The following DNAH10 variants were observed in gnomAD, a reference collection of about 807,000 sequenced individuals.
DNAH10 encodes the protein dynein axonemal heavy chain 10.
In DNAH10, 348 loss-of-function variants were observed where a neutral mutation model predicts 506.6. The ratio of observed to expected loss-of-function variants is 0.69; its 90% CI spans 0.63 to 0.75. The LOEUF (loss-of-function observed/expected upper bound fraction) is 0.75. DNAH10 is among the 30% of genes least tolerant of loss of function. The probability of loss-of-function intolerance (pLI) is 0.00; values close to 1 mark genes in which losing one functional copy is unlikely to be tolerated. For synonymous variants in DNAH10, 2,059 were observed against 2,198.6 expected (o/e 0.94, Z 1.78); for missense variants, 5,179 against 5,787.1 (o/e 0.89, Z 3.41).
At chr12:123,790,890 C>T (rs553165453) in intron 11 of DNAH10, among the ~76,000 whole-genome samples, 142 of 152,090 alleles carry the variant, frequency 9.3e-4, no homozygotes, top group Admixed American at 3.2e-3. Context: ...TTTGGGAGGC[C>T]GAGGAGAGAG....
intron 35 of DNAH10, among the ~76,000 whole-genome samples, chr12:123,851,530 A>G (rs894295257): frequency 1.3e-5 from 2 of 152,208 alleles, no homozygotes; most frequent in Non-Finnish European, 2.9e-5. Flanking sequence ...GGTTGCAACA[A>G]TAGTAGCACG....
At chr12:123,809,651 AAACAACAAC>A (rs146942558) in intron 19 of DNAH10, among the ~76,000 whole-genome samples, 4 of 150,876 alleles carry the variant, frequency 2.7e-5, no homozygotes, top group East Asian at 3.9e-4. Context: ...CGTGTCTCTA[AAACAACAAC>A]AACAACAACA....
At chr12:123,768,544 G>A (rs1433913746) in intron 2 of DNAH10, among the ~76,000 whole-genome samples, 3 of 152,172 alleles carry the variant, frequency 2.0e-5, no homozygotes, top group Non-Finnish European at 4.4e-5. Context: ...GTTTCCAAAT[G>A]AGGTCACAGC....
chr12:123,847,309 T>TATCC (rs1388683172), intron 32 of DNAH10, among the ~76,000 whole-genome samples: 7 of 65,720 alleles, frequency 1.1e-4, no homozygotes, highest in Non-Finnish European at 2.1e-4. Context: ...TCATCTATTT[T>TATCC]ATCTATCTAT....
chr12:123,767,803 A>G, intron 2 of DNAH10, 114 bp downstream of exon 2: 1 of 872,076 alleles, frequency 1.1e-6, no homozygotes, highest in East Asian at 2.7e-5. Flanking sequence ...GGTATGAACC[A>G]CAAAGAGAAA....
intron 38 of DNAH10, among the ~76,000 whole-genome samples, chr12:123,860,697 A>G (rs1490120320): frequency 6.6e-6 from 1 of 152,208 alleles, no homozygotes; most frequent in Non-Finnish European, 1.5e-5. Flanking sequence ...CTTAAATGTC[A>G]TATATATGAA....
intron 51 of DNAH10, among the ~76,000 whole-genome samples, chr12:123,885,374 C>T (rs976931493): frequency 1.3e-5 from 2 of 152,342 alleles, no homozygotes; most frequent in East Asian, 3.8e-4. Flanking sequence ...ACACATAACC[C>T]ATTTCCAATG....
rs1310055449 is a variant in DNAH10 at position 123,813,777 on chromosome 12, G to A, written c.3645G>A (p.Lys1215=). 1.2e-6 allele frequency: 2 copies of A among 1,613,344 alleles called. No individual in the cohort carries two copies. The highest frequency in any genetic ancestry group is 2.7e-5 in the African/African-American group (2 of 74,896). ...AGCACCTGGCCAAAAACCTTAGGAA[G>A]ATCCCCAATACCCTTGAAGATCTCA... ...EMEHLAKNLR[K]IPNTLEDLKF... is the part of the protein sequence containing the mutation. Residue 1215 remains lysine, a synonymous_variant, in exon 21 of 79, where the codon AAG becomes AAA. Transcript: ENST00000673944.
chr12:123,799,299 A>G lies in DNAH10; in HGVS notation c.2217A>G (p.Arg739=). Residue 739 remains arginine (R), a synonymous_variant, in exon 14 of 79, where the codon AGA becomes AGG. Coordinates refer to ENST00000673944, the MANE Select transcript of DNAH10 (RefSeq NM_001372106.1). Reference sequence around the variant, plus strand: ...GGACAATGAAGGAGTATGAAGACAGAAAGTATGAGCAGTGGATGGAGGTGA... The same window carrying G: ...GGACAATGAAGGAGTATGAAGACAGGAAGTATGAGCAGTGGATGGAGGTGA... ...VGRTMKEYED[R]KYEQWMEVTE... is the part of the protein sequence containing the mutation. 1 of 1,613,946 alleles carries G rather than the reference A, an allele frequency of 6.2e-7. No homozygotes were observed. Among genetic ancestry groups the G allele is most frequent in the Non-Finnish European group, 8.5e-7 (1 of 1,179,880 alleles).
chr12:123,766,291 A>G (rs1566308013), intron 1 of DNAH10, among the ~76,000 whole-genome samples: 2 of 151,134 alleles, frequency 1.3e-5, no homozygotes, highest in Non-Finnish European at 3.0e-5. Context: ...TAATCAGCCT[A>G]CCTACCTACC....
chr12:123,887,045 C>T (rs1465418245), intron 51 of DNAH10, 97 bp from the exon 52 acceptor site: 40 of 1,425,746 alleles, frequency 2.8e-5, no homozygotes, highest in Non-Finnish European at 3.0e-5. Context: ...GACAGACCCA[C>T]GCCCTCTGCA....
At chr12:123,781,041 T>C in intron 5 of DNAH10, 39 bp from the exon 6 acceptor site, 2 of 1,478,044 alleles carry the variant, frequency 1.4e-6, no homozygotes, top group Non-Finnish European at 1.8e-6. Flanking sequence ...TTATTGAAAA[T>C]GACTTCATAT....
chr12:123,879,799 C>T lies in DNAH10; in HGVS notation c.8632C>T (p.Gln2878Ter). The change falls in exon 50 of 79, where the codon CAG becomes TAG. Residue 2878 changes from glutamine (Q) to a stop codon, truncating the protein, a stop_gained and splice_region_variant. Transcript: ENST00000673944. LOFTEE classifies it high-confidence loss of function. ...CTACGAGGCGGCCAAGGCTCTGTTCCAGGTGGGGATGAGCCCCACCCTGTC... is the reference window on the plus strand; with the variant it reads ...CTACGAGGCGGCCAAGGCTCTGTTCTAGGTGGGGATGAGCCCCACCCTGTC... ...QDYEAAKALF[Q>*]EILEEYNESN... The T allele has an allele frequency of 6.2e-7, 1 of 1,613,796 alleles. No homozygotes were observed. The highest frequency in any genetic ancestry group is 8.5e-7 in the Non-Finnish European group (1 of 1,179,720).
chr12:123,792,652 A>G (rs1850034), intron 11 of DNAH10, among the ~76,000 whole-genome samples: 114,964 of 151,962 alleles, frequency 0.76, 44,450 homozygotes, highest in East Asian at 1. Flanking sequence ...GTAGAGACAG[A>G]GTTTCGCCAT....
intron 40 of DNAH10, among the ~76,000 whole-genome samples, chr12:123,865,688 T>C (rs1480536232): frequency 2.0e-5 from 3 of 152,234 alleles, no homozygotes; most frequent in Non-Finnish European, 4.4e-5. Context: ...TATATTTTTC[T>C]ATTTTTTGTC....
chr12:123,886,653 G>T (rs1278563256), intron 51 of DNAH10, among the ~76,000 whole-genome samples: 1 of 151,008 alleles, frequency 6.6e-6, no homozygotes, highest in African/African-American at 2.5e-5. Context: ...AACAGAGAGA[G>T]ATCTCTCAGT....
chr12:123,865,017 A>G (rs1951748964), intron 40 of DNAH10, among the ~76,000 whole-genome samples: 1 of 152,204 alleles, frequency 6.6e-6, no homozygotes, highest in South Asian at 2.1e-4. Context: ...TTTATACATT[A>G]TCTGTTGACT....
chr12:123,901,055 T>C (rs902689596), intron 56 of DNAH10, among the ~76,000 whole-genome samples: 1 of 152,184 alleles, frequency 6.6e-6, no homozygotes, highest in Admixed American at 6.5e-5. Flanking sequence ...TCCTCTCTCC[T>C]GAGGGTGGCT....
chr12:123,924,512 T>G, intron 67 of DNAH10, 80 bp downstream of exon 67: 1 of 1,534,022 alleles, frequency 6.5e-7, no homozygotes, highest in South Asian at 1.2e-5. Context: ...CCCAACCCCT[T>G]AAGAGAAGAC....
Sources: gnomAD v4.1 joint callset for allele counts (sites outside exome capture counted in the v4.1 genomes callset) on GRCh38, gnomAD v4.1.1 for gene constraint, MANE v1.5 for transcripts, NCBI Gene and HGNC (gene_info 2026-07-23, HGNC 2026-07-21) for gene names.